Variants in MYO10 observed in about 807,000 individuals in gnomAD.
MYO10 encodes the protein myosin X, also known as unconventional myosin-X.
MYO10 carries 133 observed loss-of-function variants against 257.3 expected under a neutral mutation model. The observed-to-expected ratio is 0.52, with a 90% CI of 0.45 to 0.60. The LOEUF (loss-of-function observed/expected upper bound fraction) is 0.60, where lower values mean the gene tolerates loss of function less well. Ranked by LOEUF, MYO10 falls within the 20% of genes least tolerant of loss-of-function variation. The pLI is 0.00. For missense variants in MYO10, 2,399 were observed against 2,635.7 expected, an observed-to-expected ratio of 0.91 and a Z score of 1.97; for synonymous variants, 1,104 against 1,028.6, an observed-to-expected ratio of 1.07 and a Z score of -1.40.
intron 19 of MYO10, among the ~76,000 whole-genome samples, chr5:16,733,796 C>T (rs1739680868): frequency 1.3e-5 from 2 of 152,316 alleles, no homozygotes; most frequent in Non-Finnish European, 2.9e-5. Flanking sequence ...TTATTCCCAT[C>T]CCCGGGCCTC....
chr5:16,702,512 C>T (rs1251987762), intron 24 of MYO10, 31 bp downstream of exon 24: 2 of 1,575,800 alleles, frequency 1.3e-6, no homozygotes, highest in South Asian at 1.2e-5. Flanking sequence ...AGTAGAAACA[C>T]AAGAGGCTAA....
At chr5:16,683,850 G>GTTTTTGT in intron 30 of MYO10, 30 bp downstream of exon 30, 1 of 1,611,700 alleles carries the variant, frequency 6.2e-7, no homozygotes, top group Non-Finnish European at 8.5e-7. Flanking sequence ...GTGATGAGCT[G>GTTTTTGT]TTTTTGTTAA....
chr5:16,841,856 G>C (rs189830448), intron 2 of MYO10, among the ~76,000 whole-genome samples: 1 of 152,126 alleles, frequency 6.6e-6, no homozygotes, highest in Admixed American at 6.6e-5. Context: ...GGACTCTGGA[G>C]GGCTCGAGGG....
At chr5:16,802,382 G>T (rs915661185) in intron 3 of MYO10, among the ~76,000 whole-genome samples, 5 of 152,126 alleles carry the variant, frequency 3.3e-5, no homozygotes, top group Admixed American at 1.3e-4. Context: ...ATAGGAGCCG[G>T]GTGCAGTGGC....
intron 1 of MYO10, among the ~76,000 whole-genome samples, chr5:16,901,411 AAGG>A (rs1190425871): frequency 1.3e-5 from 2 of 152,156 alleles, no homozygotes; most frequent in Non-Finnish European, 2.9e-5. Context: ...AGAAGGCAGG[AAGG>A]AGGATTTCCA....
Position 16,818,397 on chromosome 5 carries a change from T to TATATATATATAC in MYO10, c.121-231_121-230insGTATATATATAT, listed in dbSNP as rs1561000827. Among the ~76,000 whole-genome samples the TATATATATATAC allele has an allele frequency of 4.4e-3, 498 of 113,626 alleles. 4 individuals carry two copies. Among genetic ancestry groups the TATATATATATAC allele is most frequent in the African/African-American group, 0.015 (474 of 30,858 alleles). 74.5% of individuals were successfully genotyped at this position (113,626 alleles called of 152,430 possible). On this transcript the variant is annotated intron_variant, in intron 2 of 40. Transcript: ENST00000513610. ...GTGTGTGTGCGTGTGTGTGTGTGTG[T>TATATATATATAC]GTGTGTGTGTGTGTATATATATATA...
intron 28 of MYO10, among the ~76,000 whole-genome samples, chr5:16,689,180 A>G (rs1035596508): frequency 6.6e-6 from 1 of 152,244 alleles, no homozygotes; most frequent in African/African-American, 2.4e-5. Context: ...GGTAATAATT[A>G]ATGTCTACCT....
chr5:16,702,666 A>G (rs1738138406), intron 23 of MYO10, 78 bp from the exon 24 acceptor site: 2 of 1,383,156 alleles, frequency 1.4e-6, no homozygotes, highest in Admixed American at 4.2e-5. Flanking sequence ...ACGTTTTTAA[A>G]ACAGCTTTGC....
At position 16,901,166 on chromosome 5, in the gene MYO10, G is replaced by C. The variant is rs1012848607; in HGVS notation, c.22-23459C>G. ...CGAGACTCTTCTCAGCTCTCACCCA[G>C]GCTGAGCTCATTCTCACCCCAGCCT... On this transcript the variant is annotated intron_variant, in intron 1 of 40. Coordinates refer to ENST00000513610, the MANE Select transcript of MYO10 (RefSeq NM_012334.3). Among the ~76,000 whole-genome samples, 34 of 152,012 alleles carry C rather than the reference G, an allele frequency of 2.2e-4. 1 individual carries two copies. The highest frequency in any genetic ancestry group is 4.4e-5 in the Non-Finnish European group (3 of 68,018).
At chr5:16,864,902 G>C (rs901182333) in intron 2 of MYO10, among the ~76,000 whole-genome samples, 2 of 152,146 alleles carry the variant, frequency 1.3e-5, no homozygotes, top group African/African-American at 4.8e-5. Flanking sequence ...CATTTTCCTT[G>C]GTCTTGAAAG....
intron 2 of MYO10, among the ~76,000 whole-genome samples, chr5:16,823,374 G>C (rs1014044882): frequency 7.4e-6 from 1 of 134,594 alleles, no homozygotes; most frequent in Non-Finnish European, 1.6e-5. Flanking sequence ...GAACCCGGGG[G>C]GCAGATGTTG....
chr5:16,897,587 G>C (rs761016353), intron 1 of MYO10, among the ~76,000 whole-genome samples: 4 of 152,302 alleles, frequency 2.6e-5, no homozygotes, highest in South Asian at 2.1e-4. Context: ...AAACTGGAAG[G>C]CCTCCTGAGT....
intron 19 of MYO10, among the ~76,000 whole-genome samples, chr5:16,740,078 C>T (rs1739962083): frequency 3.3e-5 from 5 of 152,158 alleles, no homozygotes; most frequent in Admixed American, 3.3e-4. Context: ...ACCATCTGCA[C>T]AGATGAGAGA....
chr5:16,818,480 A>G (rs1742708266), intron 2 of MYO10, among the ~76,000 whole-genome samples: 1 of 150,932 alleles, frequency 6.6e-6, no homozygotes, highest in East Asian at 2.0e-4. Flanking sequence ...TCTGTTACTC[A>G]GGCTGGAGTG....
At chr5:16,935,759 A>G (rs374827221) in intron 1 of MYO10, 29 bp downstream of exon 1, 3 of 1,613,146 alleles carry the variant, frequency 1.9e-6, no homozygotes, top group Non-Finnish European at 2.5e-6. Context: ...TGGGCTCCGG[A>G]GGCCAGGTCG....
chr5:16,904,757 G>C (rs1312939802), intron 1 of MYO10, among the ~76,000 whole-genome samples: 1 of 152,076 alleles, frequency 6.6e-6, no homozygotes, highest in African/African-American at 2.4e-5. Context: ...GTGAAACCCC[G>C]TCTCTACTAA....
At chr5:16,870,889 T>TCA (rs1363959187) in intron 2 of MYO10, among the ~76,000 whole-genome samples, 3 of 152,028 alleles carry the variant, frequency 2.0e-5, no homozygotes, top group Non-Finnish European at 4.4e-5. Context: ...CAAAACTCAG[T>TCA]CACACACACA....
rs148817625 is a variant in MYO10 at position 16,747,440 on chromosome 5, C to T, written c.1929+7388G>A. ...CAATGTACCATGATGAGTAACTCAA[C>T]GTTACTGAGCACCTATAAATAGTCT... On this transcript the variant is annotated intron_variant, in intron 19 of 40. Transcript: ENST00000513610. Among the ~76,000 whole-genome samples, 661 of 152,282 alleles carry T rather than the reference C, an allele frequency of 4.3e-3. 2 individuals are homozygous for T. The highest frequency in any genetic ancestry group is 8.8e-3 in the Admixed American group (134 of 15,290).
chr5:16,840,152 C>T (rs185670073), intron 2 of MYO10, among the ~76,000 whole-genome samples: 42 of 152,268 alleles, frequency 2.8e-4, no homozygotes, highest in Admixed American at 2.5e-3. Flanking sequence ...GTGGCTCACG[C>T]CTATAATCCC....
Sources: allele counts gnomAD v4.1 joint callset (sites outside exome capture counted in the v4.1 genomes callset), GRCh38; gene constraint gnomAD v4.1.1; transcripts MANE v1.5; gene names NCBI Gene and HGNC (gene_info 2026-07-23, HGNC 2026-07-21).